ATG14: variants seen among roughly 807,000 people sequenced by gnomAD.
The protein encoded by ATG14 is autophagy related 14.
ATG14 carries 35 observed loss-of-function variants against 60.4 expected under a neutral mutation model. That is an observed-to-expected ratio of 0.58 (90% CI 0.44 to 0.77). The LOEUF is 0.77. Ranked by LOEUF, ATG14 falls within the 30% of genes least tolerant of loss-of-function variation. The pLI is 0.00. For synonymous variants in ATG14, 234 were observed against 228.8 expected (o/e 1.02, Z -0.21); for missense variants, 647 against 626.3 (o/e 1.03, Z -0.35).
At chr14:55,385,418 G>A (rs1885107783) in intron 5 of ATG14, among the ~76,000 whole-genome samples, 1 of 152,140 alleles carries the variant, frequency 6.6e-6, no homozygotes, top group Non-Finnish European at 1.5e-5. Context: ...TCAGCCACCT[G>A]AGTAGCTGGG....
intron 1 of ATG14, among the ~76,000 whole-genome samples, chr14:55,403,474 T>C (rs1468097589): frequency 6.6e-6 from 1 of 151,938 alleles, no homozygotes; most frequent in African/African-American, 2.4e-5. Context: ...GAAACAAAAA[T>C]AGAAAAATTC....
At chr14:55,411,365 G>A (rs944737772) in intron 1 of ATG14, among the ~76,000 whole-genome samples, 1 of 152,220 alleles carries the variant, frequency 6.6e-6, no homozygotes, top group African/African-American at 2.4e-5. Context: ...CAAGAGCACC[G>A]TGGGGTCAAA....
At chr14:55,390,322 C>T (rs575151470) in intron 4 of ATG14, among the ~76,000 whole-genome samples, 5 of 152,230 alleles carry the variant, frequency 3.3e-5, no homozygotes, top group South Asian at 2.1e-4. Flanking sequence ...CCACTCCCCT[C>T]GGCCTCCCAA....
chr14:55,393,175 A>T (rs1408058674), intron 3 of ATG14, among the ~76,000 whole-genome samples: 1 of 152,064 alleles, frequency 6.6e-6, no homozygotes, highest in Non-Finnish European at 1.5e-5. Context: ...AGGTCAGGAG[A>T]TTGAGACCAT....
chr14:55,411,745 C>T lies in ATG14; in HGVS notation c.78G>A (p.Leu26=), dbSNP rs746188125. 5 of 1,610,070 alleles carry T rather than the reference C, an allele frequency of 3.1e-6. No individual in the cohort carries two copies. In the South Asian group the frequency reaches 4.4e-5, roughly 14 times the overall value. Residue 26 remains leucine, a synonymous_variant, in exon 1 of 10, where the codon CTG becomes CTA. Coordinates refer to ENST00000247178, the MANE Select transcript of ATG14 (RefSeq NM_014924.5). ...GCGPRPLARD[L]VDSVDDAEGL... Reference sequence around the variant, plus strand: ...CCTCCGCATCGTCCACGGAGTCCACCAGGTCCCGGGCGAGCGGCCGGGGCC... The same window carrying T: ...CCTCCGCATCGTCCACGGAGTCCACTAGGTCCCGGGCGAGCGGCCGGGGCC...
chr14:55,379,972 G>A (rs921518461), intron 7 of ATG14, among the ~76,000 whole-genome samples: 2 of 152,104 alleles, frequency 1.3e-5, no homozygotes, highest in Admixed American at 6.5e-5. Context: ...TTCAGGGCAG[G>A]GCACAGTGGC....
intron 1 of ATG14, among the ~76,000 whole-genome samples, chr14:55,400,765 G>A (rs1177601060): frequency 6.6e-6 from 1 of 152,184 alleles, no homozygotes; most frequent in South Asian, 2.1e-4. Flanking sequence ...TTAGCCAGGT[G>A]TGGTGGCGGG....
chr14:55,404,662 T>C (rs1594785177), intron 1 of ATG14, among the ~76,000 whole-genome samples: 1 of 152,038 alleles, frequency 6.6e-6, no homozygotes, highest in Non-Finnish European at 1.5e-5. Flanking sequence ...GGTGTACAGG[T>C]GGGGGGTGCT....
chr14:55,394,947 T>G, intron 3 of ATG14: 1 of 393,216 alleles, frequency 2.5e-6, no homozygotes, highest in South Asian at 2.0e-5. Flanking sequence ...TGATTTCACC[T>G]CCTAAAAAAA....
At chr14:55,399,800 G>T (rs1438898828) in intron 1 of ATG14, among the ~76,000 whole-genome samples, 1 of 152,178 alleles carries the variant, frequency 6.6e-6, no homozygotes, top group African/African-American at 2.4e-5. Flanking sequence ...GGCCATAAAA[G>T]TTCTCCTTTG....
chr14:55,403,074 C>T (rs1375511076), intron 1 of ATG14, among the ~76,000 whole-genome samples: 1 of 148,232 alleles, frequency 6.7e-6, no homozygotes, highest in Non-Finnish European at 1.5e-5. Flanking sequence ...GAGCTATGAT[C>T]CTACACTATA....
intron 6 of ATG14, 31 bp downstream of exon 6, chr14:55,381,931 T>C (rs769560096): frequency 1.9e-5 from 30 of 1,568,780 alleles, no homozygotes; most frequent in Non-Finnish European, 2.2e-5. Flanking sequence ...TCTCTCTATA[T>C]ATAGATTTCA....
Position 55,381,984 on chromosome 14 carries a change from C to G in ATG14, c.855G>C (p.Glu285Asp). Reference protein sequence around the residue: ...DYSAYYSWVEEKKTTQGPDME... With the variant: ...DYSAYYSWVEDKKTTQGPDME... ...CACCAGGCCCCTGGGTTGTTTTCTT[C>G]TCCTCCACCCAGCTGTAGTAGGCAG... Residue 285 changes from glutamate (E) to aspartate (D), a missense_variant, in exon 6 of 10, where the codon GAG becomes GAC. Glu to Asp is a conservative substitution (Grantham distance 45, BLOSUM62 2). Transcript: ENST00000247178. The G allele has an allele frequency of 6.2e-7, 1 of 1,614,136 alleles. No homozygotes were observed. Among genetic ancestry groups the G allele is most frequent in the Non-Finnish European group, 8.5e-7 (1 of 1,179,988 alleles).
intron 3 of ATG14, among the ~76,000 whole-genome samples, chr14:55,392,648 CAA>C (rs1197794000): frequency 2.7e-4 from 14 of 51,874 alleles, no homozygotes; most frequent in African/African-American, 2.9e-4. Context: ...GACTCCACCT[CAA>C]AAAAAAAAAA....
chr14:55,369,702 C>A lies in ATG14; in HGVS notation c.1396G>T (p.Ala466Ser), dbSNP rs144919020. Residue 466 changes from alanine to serine, a missense_variant, in exon 10 of 10, where the codon GCG (alanine) becomes TCG (serine). Coordinates refer to ENST00000247178, the MANE Select transcript of ATG14 (RefSeq NM_014924.5). ...ATCATCCCACCTGCACTGCTGCTCG[C>A]GATGGGTGGGGACGCCTGGGTGCTC... ...SQSTQASPPI[A>S]SSSAGGMISS... The A allele has an allele frequency of 3.1e-6, 5 of 1,607,390 alleles. No homozygotes were observed. Among genetic ancestry groups the A allele is most frequent in the Middle Eastern group, 1.7e-4 (1 of 6,050 alleles).
chr14:55,403,252 T>C (rs569209954), intron 1 of ATG14, among the ~76,000 whole-genome samples: 1 of 152,130 alleles, frequency 6.6e-6, no homozygotes, highest in African/African-American at 2.4e-5. Flanking sequence ...CACACACATA[T>C]GCCAGCTTTC....
chr14:55,393,248 G>A (rs140872131), intron 3 of ATG14, among the ~76,000 whole-genome samples: 35 of 152,188 alleles, frequency 2.3e-4, no homozygotes, highest in African/African-American at 5.8e-4. Flanking sequence ...AGCCGGGCGT[G>A]GTGGTGGGCG....
intron 7 of ATG14, 108 bp from the exon 8 acceptor site, chr14:55,378,182 A>G: frequency 1.2e-6 from 1 of 844,576 alleles, no homozygotes; most frequent in Non-Finnish European, 1.9e-6. Context: ...GTGCCCTTTT[A>G]CTCCTTAGTA....
In ATG14 at chr14:55,380,661, T is replaced by G; in HGVS notation, c.907A>C (p.Ile303Leu). The change falls in exon 7 of 10, where the codon ATC becomes CTC. Residue 303 changes from isoleucine (I) to leucine (L), a missense_variant. Ile to Leu is a conservative substitution (Grantham distance 5, BLOSUM62 2). Coordinates refer to ENST00000247178, the MANE Select transcript of ATG14 (RefSeq NM_014924.5). ...DMEQSNPAYT[I>L]SAALCYATQL... is the part of the protein sequence containing the mutation. ...GTTGCATAGCACAGCGCAGCACTGA[T>G]GGTGTAGGCAGGGTTACTCTGCTCC... The G allele has an allele frequency of 6.2e-7, 1 of 1,611,542 alleles. No homozygotes were observed. Among genetic ancestry groups the G allele is most frequent in the Non-Finnish European group, 8.5e-7 (1 of 1,178,872 alleles).
Sources: allele counts gnomAD v4.1 joint callset (sites outside exome capture counted in the v4.1 genomes callset), GRCh38; gene constraint gnomAD v4.1.1; transcripts MANE v1.5; gene names NCBI Gene and HGNC (gene_info 2026-07-23, HGNC 2026-07-21).